FAM168B: variants seen among roughly 807,000 people sequenced by gnomAD.
FAM168B encodes myelin-associated neurite-outgrowth inhibitor.
Under a neutral mutation model 21.8 loss-of-function variants are expected in FAM168B, and 19 were observed. The observed-to-expected ratio is 0.87, with a 90% CI of 0.61 to 1.28. The LOEUF (loss-of-function observed/expected upper bound fraction) is 1.28. FAM168B is among the 50% of genes most tolerant of loss of function. The pLI is 0.00. For synonymous variants in FAM168B, 126 were observed against 104.8 expected, an observed-to-expected ratio of 1.20 and a Z score of -1.24; for missense variants, 233 against 263.1, an observed-to-expected ratio of 0.89 and a Z score of 0.79.
At chr2:131,090,633 G>A (rs1048125079) in intron 1 of FAM168B, among the ~76,000 whole-genome samples, 5 of 152,060 alleles carry the variant, frequency 3.3e-5, no homozygotes, top group African/African-American at 7.2e-5. Flanking sequence ...TGGGAGGCTG[G>A]GGCAGGAGGA....
chr2:131,081,760 G>C (rs574496010), intron 2 of FAM168B, among the ~76,000 whole-genome samples: 1 of 152,288 alleles, frequency 6.6e-6, no homozygotes, highest in Admixed American at 6.5e-5. Context: ...GCCCAGGACA[G>C]GCACGACATT....
At chr2:131,078,504 A>G (rs1394605991) in intron 2 of FAM168B, among the ~76,000 whole-genome samples, 1 of 152,248 alleles carries the variant, frequency 6.6e-6, no homozygotes, top group Admixed American at 6.5e-5. Flanking sequence ...GGACAAAAAC[A>G]ATATTTGAAG....
chr2:131,059,298 G>A (rs1012391701), intron 3 of FAM168B, among the ~76,000 whole-genome samples: 2 of 152,092 alleles, frequency 1.3e-5, no homozygotes, highest in African/African-American at 4.8e-5. Flanking sequence ...CTCAGAGAGG[G>A]GCAGGTGGGG....
chr2:131,052,261 CAG>C lies in FAM168B; in HGVS notation c.*202_*203del. ...AAAAATTGCCAGGCAGTCCACAAAA[CAG>C]AATTTGCTTTAAGACCAACCCACAG... is the stretch of plus-strand genomic sequence containing the variant. On this transcript the variant is annotated 3_prime_UTR_variant, in exon 7 of 7. Transcript: ENST00000389915. The C allele has an allele frequency of 3.0e-6, 3 of 985,890 alleles. No homozygotes were observed. Among genetic ancestry groups the C allele is most frequent in the Non-Finnish European group, 3.6e-6 (3 of 829,968 alleles). The allele number at this position is 985,890 out of a possible 1,614,324, so 61.1% of individuals were successfully genotyped here. A position where few individuals can be genotyped will look rare whatever the true frequency, so the allele number is the denominator to read the frequency against.
At position 131,055,254 on chromosome 2, in the gene FAM168B, G is replaced by A. The variant is rs200775848; in HGVS notation, c.475+18C>T. 1.3e-5 allele frequency: 20 copies of A among 1,527,350 alleles called. No homozygotes were observed. The highest frequency in any genetic ancestry group is 1.2e-4 in the East Asian group (5 of 42,318). The allele number at this position is 1,527,350 out of a possible 1,614,324, so 94.6% of individuals were successfully genotyped here. A position where few individuals can be genotyped will look rare whatever the true frequency, so the allele number is the denominator to read the frequency against. ...TAGGGTACACCATAGGACAGACACC[G>A]CAGGAACGAGGACTTACCTGCTGAC... On this transcript the variant is annotated intron_variant, in intron 5 of 6. Transcript: ENST00000389915.
chr2:131,064,094 G>C (rs551551237), intron 3 of FAM168B, among the ~76,000 whole-genome samples: 6 of 152,250 alleles, frequency 3.9e-5, no homozygotes, highest in Non-Finnish European at 8.8e-5. Flanking sequence ...AGGCGGCGCA[G>C]ACAACAGACG....
intron 3 of FAM168B, among the ~76,000 whole-genome samples, chr2:131,066,144 C>G (rs1692545263): frequency 3.3e-5 from 5 of 150,966 alleles, no homozygotes; most frequent in Admixed American, 3.3e-4. Context: ...CTCCATCACT[C>G]TTTGCAACAT....
chr2:131,065,642 T>C (rs1240095524), intron 3 of FAM168B, among the ~76,000 whole-genome samples: 1 of 151,694 alleles, frequency 6.6e-6, no homozygotes, highest in East Asian at 1.9e-4. Context: ...ATACAAAAAT[T>C]AGCCGGCGTG....
At chr2:131,084,786 A>C (rs947340823) in intron 1 of FAM168B, among the ~76,000 whole-genome samples, 27 of 151,992 alleles carry the variant, frequency 1.8e-4, no homozygotes, top group African/African-American at 5.3e-4. Flanking sequence ...TCGCTCTGCC[A>C]GTCATAGCTC....
At chr2:131,080,521 G>C (rs1251096686) in intron 2 of FAM168B, among the ~76,000 whole-genome samples, 1 of 151,464 alleles carries the variant, frequency 6.6e-6, no homozygotes, top group Non-Finnish European at 1.5e-5. Context: ...GGGAGGCTGA[G>C]GCTGGAGAAT....
chr2:131,078,135 G>A (rs1421911357), intron 2 of FAM168B, among the ~76,000 whole-genome samples: 3 of 152,136 alleles, frequency 2.0e-5, no homozygotes, highest in Non-Finnish European at 4.4e-5. Context: ...AAAACACCAG[G>A]CATGCCAAGA....
At chr2:131,073,007 A>G (rs1263487295) in intron 2 of FAM168B, among the ~76,000 whole-genome samples, 1 of 152,218 alleles carries the variant, frequency 6.6e-6, no homozygotes, top group Non-Finnish European at 1.5e-5. Context: ...TTCCTACATT[A>G]CATATTTTGA....
intron 3 of FAM168B, among the ~76,000 whole-genome samples, chr2:131,069,140 G>A (rs1188833525): frequency 6.6e-6 from 1 of 152,204 alleles, no homozygotes; most frequent in Non-Finnish European, 1.5e-5. Flanking sequence ...CACATTTTTG[G>A]CAAGAACAGC....
chr2:131,088,415 G>A (rs897890336), intron 1 of FAM168B, among the ~76,000 whole-genome samples: 1 of 151,924 alleles, frequency 6.6e-6, no homozygotes, highest in East Asian at 1.9e-4. Context: ...CAATGGTGGG[G>A]GGAAAAGGGG....
intron 1 of FAM168B, among the ~76,000 whole-genome samples, chr2:131,092,101 G>C: frequency 6.7e-6 from 1 of 149,864 alleles, no homozygotes; most frequent in East Asian, 1.9e-4. Context: ...CCGAGATGGC[G>C]CCACTGCACT....
intron 3 of FAM168B, among the ~76,000 whole-genome samples, chr2:131,058,016 T>C (rs952145451): frequency 1.8e-4 from 27 of 152,086 alleles, no homozygotes; most frequent in Non-Finnish European, 2.9e-5. Context: ...ATTTTTAGTA[T>C]AGACGGGATT....
At position 131,050,310 on chromosome 2, in the gene FAM168B, TGTGA is replaced by T; in HGVS notation, c.*2151_*2154del. 1 of 985,478 alleles carries T rather than the reference TGTGA, an allele frequency of 1.0e-6. No individual in the cohort carries two copies. Among genetic ancestry groups the T allele is most frequent in the South Asian group, 4.7e-5 (1 of 21,288 alleles). The allele number at this position is 985,478 out of a possible 1,614,324, so 61.0% of individuals were successfully genotyped here. ...GCTTTTTAAAAGCATACACTAACAT[TGTGA>T]GTATTTTATCCTAATCTATTAGCAC... On this transcript the variant is annotated 3_prime_UTR_variant, in exon 7 of 7. Transcript: ENST00000389915.
chr2:131,090,346 A>C (rs896767970), intron 1 of FAM168B, among the ~76,000 whole-genome samples: 33 of 151,624 alleles, frequency 2.2e-4, no homozygotes, highest in East Asian at 1.7e-3. Flanking sequence ...AAAAGAAAGA[A>C]AGACCTATCA....
chr2:131,064,034 G>C (rs1025133329), intron 3 of FAM168B, among the ~76,000 whole-genome samples: 2 of 151,966 alleles, frequency 1.3e-5, no homozygotes, highest in African/African-American at 4.8e-5. Context: ...CAAAACAACA[G>C]CTTTTCAGAT....
Sources: allele counts gnomAD v4.1 joint callset (sites outside exome capture counted in the v4.1 genomes callset), GRCh38; gene constraint gnomAD v4.1.1; transcripts MANE v1.5; gene names NCBI Gene and HGNC (gene_info 2026-07-23, HGNC 2026-07-21).